Variants in TLCD4 observed in about 807,000 individuals in gnomAD.
The protein encoded by TLCD4 is TLC domain containing 4, also known as TLC domain-containing protein 4.
TLCD4 carries 7 observed loss-of-function variants against 24.2 expected under a neutral mutation model. That is an observed-to-expected ratio of 0.29 (90% CI 0.16 to 0.54). The LOEUF is 0.54. TLCD4 is among the 20% of genes least tolerant of loss of function. The pLI, the probability that TLCD4 is intolerant of heterozygous loss-of-function variation, is 0.95. For missense variants in TLCD4, 259 were observed against 313.9 expected (o/e 0.82, Z 1.32); for synonymous variants, 103 against 106.4 (o/e 0.97, Z 0.20).
At chr1:95,180,330 G>T (rs984698750) in intron 6 of TLCD4, among the ~76,000 whole-genome samples, 1 of 152,100 alleles carries the variant, frequency 6.6e-6, no homozygotes, top group Non-Finnish European at 1.5e-5. Context: ...AACTTATACT[G>T]TACCTTTATC....
At chr1:95,140,106 GT>G (rs547206554) in intron 1 of TLCD4, among the ~76,000 whole-genome samples, 1 of 151,834 alleles carries the variant, frequency 6.6e-6, no homozygotes, top group East Asian at 1.9e-4. Context: ...TGTGTGTGTG[GT>G]TTTTTTTAAT....
At chr1:95,166,819 C>G (rs901927422) in intron 5 of TLCD4, among the ~76,000 whole-genome samples, 7 of 152,128 alleles carry the variant, frequency 4.6e-5, no homozygotes, top group Non-Finnish European at 8.8e-5. Flanking sequence ...GGCCTTAACT[C>G]CTGAGCTCAA....
upstream of TLCD4, among the ~76,000 whole-genome samples, chr1:95,114,229 G>C (rs1676388900): frequency 1.3e-5 from 2 of 152,106 alleles, no homozygotes; most frequent in Non-Finnish European, 2.9e-5. Context: ...CCTGGTGAAA[G>C]TATTTTTAAA....
chr1:95,121,936 G>A (rs1482426693), intron 1 of TLCD4, among the ~76,000 whole-genome samples: 2 of 152,238 alleles, frequency 1.3e-5, no homozygotes, highest in East Asian at 1.9e-4. Context: ...GTTAATTCCA[G>A]TATTTGCCCT....
rs991576389 is a variant in TLCD4 at position 95,196,685 on chromosome 1, T to G, written c.*4817T>G. 3.3e-5 allele frequency: 5 copies of G among 152,194 alleles called. No homozygotes were observed. The highest frequency in any genetic ancestry group is 1.2e-4 in the African/African-American group (5 of 41,458). 9.4% of individuals were successfully genotyped at this position (152,194 alleles called of 1,614,324 possible). On this transcript the variant is annotated 3_prime_UTR_variant, in exon 7 of 7. Coordinates refer to ENST00000370203, the MANE Select transcript of TLCD4 (RefSeq NM_152487.3). ...AGAAATATTTCTAAATCTCAAAGAT[T>G]TATAAGTACAGTACCTCTGGCTGAA...
intron 6 of TLCD4, among the ~76,000 whole-genome samples, chr1:95,174,480 G>A (rs1678346957): frequency 6.8e-6 from 1 of 147,898 alleles, no homozygotes; most frequent in Non-Finnish European, 1.5e-5. Flanking sequence ...AGACCAGCCT[G>A]GGTAACATTG....
intron 3 of TLCD4, 93 bp downstream of exon 3, chr1:95,148,884 T>C: frequency 6.8e-7 from 1 of 1,478,800 alleles, no homozygotes. Context: ...ACAGAAAACA[T>C]ATTGATCGTA....
intron 1 of TLCD4, among the ~76,000 whole-genome samples, chr1:95,118,626 C>T (rs1676494035): frequency 6.6e-6 from 1 of 152,036 alleles, no homozygotes; most frequent in African/African-American, 2.4e-5. Flanking sequence ...GAAAAATTGA[C>T]CTTGGATTGT....
intron 6 of TLCD4, among the ~76,000 whole-genome samples, chr1:95,178,742 C>T (rs1359780796): frequency 6.6e-6 from 1 of 152,086 alleles, no homozygotes; most frequent in Non-Finnish European, 1.5e-5. Flanking sequence ...GGACAAGTTA[C>T]TTAATATTCC....
At chr1:95,159,220 T>C (rs916259286) in intron 5 of TLCD4, among the ~76,000 whole-genome samples, 22 of 152,232 alleles carry the variant, frequency 1.4e-4, no homozygotes, top group Non-Finnish European at 1.3e-4. Flanking sequence ...TGAGATGGTA[T>C]CTCATTGTAG....
the TLCD4 span, among the ~76,000 whole-genome samples, chr1:95,109,054 G>A: frequency 1.3e-5 from 2 of 152,128 alleles, no homozygotes; most frequent in Non-Finnish European, 2.9e-5. Context: ...AGGGGCACGT[G>A]CAGTGGCTCA....
intron 5 of TLCD4, among the ~76,000 whole-genome samples, chr1:95,162,582 G>A (rs917096804): frequency 2.6e-5 from 4 of 152,332 alleles, no homozygotes; most frequent in African/African-American, 9.6e-5. Context: ...AATCAGTACA[G>A]TTTCTTCATA....
chr1:95,147,076 A>ATT (rs573911821), intron 2 of TLCD4, among the ~76,000 whole-genome samples: 1,616 of 144,404 alleles, frequency 0.011, 23 homozygotes, highest in African/African-American at 0.028. Context: ...AAGGAATTTA[A>ATT]TTTTTTTTTT....
At chr1:95,127,349 C>T (rs916798162) in intron 1 of TLCD4, among the ~76,000 whole-genome samples, 2 of 152,162 alleles carry the variant, frequency 1.3e-5, no homozygotes, top group Non-Finnish European at 2.9e-5. Flanking sequence ...TTCCCTTATC[C>T]TAAGGACTTT....
chr1:95,182,618 T>C (rs1364270617), intron 6 of TLCD4, among the ~76,000 whole-genome samples: 1 of 152,204 alleles, frequency 6.6e-6, no homozygotes, highest in Non-Finnish European at 1.5e-5. Context: ...AACAGTTTTA[T>C]TTACTAGCAC....
chr1:95,094,475 C>A, the TLCD4 span, among the ~76,000 whole-genome samples: 1 of 152,210 alleles, frequency 6.6e-6, no homozygotes, highest in Non-Finnish European at 1.5e-5. Context: ...GCCCAGCTGA[C>A]ATCCAGCACC....
At chr1:95,157,947 G>A (rs1028094222) in intron 5 of TLCD4, among the ~76,000 whole-genome samples, 1 of 152,140 alleles carries the variant, frequency 6.6e-6, no homozygotes, top group Non-Finnish European at 1.5e-5. Context: ...CATACAGGGA[G>A]GGAAGGAATT....
intron 6 of TLCD4, among the ~76,000 whole-genome samples, chr1:95,189,919 G>A (rs1341574522): frequency 1.3e-5 from 2 of 152,096 alleles, no homozygotes; most frequent in South Asian, 2.1e-4. Flanking sequence ...AATATGTTTA[G>A]TTTTATGCCT....
upstream of TLCD4, among the ~76,000 whole-genome samples, chr1:95,114,789 G>C (rs374263188): frequency 4.0e-5 from 6 of 151,634 alleles, no homozygotes; most frequent in African/African-American, 1.5e-4. Flanking sequence ...TGGCACCACT[G>C]CACTCCAGCC....
Sources: gnomAD v4.1 joint callset for allele counts (sites outside exome capture counted in the v4.1 genomes callset) on GRCh38, gnomAD v4.1.1 for gene constraint, MANE v1.5 for transcripts, NCBI Gene and HGNC (gene_info 2026-07-23, HGNC 2026-07-21) for gene names.